The following KCNIP4 variants were observed in gnomAD, a reference collection of about 807,000 sequenced individuals.
The protein encoded by KCNIP4 is potassium voltage-gated channel interacting protein 4.
A neutral mutation model predicts 34.0 loss-of-function variants in KCNIP4; 12 were observed. That is an observed-to-expected ratio of 0.35 (90% confidence interval 0.23 to 0.57). The LOEUF is 0.57. Among genes scored for constraint, KCNIP4 ranks in the 20% least tolerant of loss-of-function variants. The pLI, the probability that KCNIP4 is intolerant of heterozygous loss-of-function variation, is 0.83. For synonymous variants in KCNIP4, 124 were observed against 102.2 expected, an observed-to-expected ratio of 1.21 and a Z score of -1.29; for missense variants, 238 against 311.7, an observed-to-expected ratio of 0.76 and a Z score of 1.78.
chr4:20,931,343 A>C (rs1730448140), intron 1 of KCNIP4, among the ~76,000 whole-genome samples: 1 of 152,140 alleles, frequency 6.6e-6, no homozygotes, highest in Admixed American at 6.5e-5. Context: ...AAATAGAGTC[A>C]TGTATCATTT....
rs62295278 is a variant in KCNIP4 at position 21,184,141 on chromosome 4, A to G, written c.62-301432T>C. Reference sequence around the variant, plus strand: ...TATCACTATGCAGGTGACCATGGCAAGTTACTTAATTTCCCTATGTTTCAA... The same window carrying G: ...TATCACTATGCAGGTGACCATGGCAGGTTACTTAATTTCCCTATGTTTCAA... On this transcript the variant is annotated intron_variant, in intron 1 of 8. Transcript: ENST00000382152. Among the ~76,000 whole-genome samples, 1,117 of 152,258 alleles carry G rather than the reference A, an allele frequency of 7.3e-3. 10 individuals carry two copies. The highest frequency in any genetic ancestry group is 0.012 in the Non-Finnish European group (827 of 68,008).
intron 1 of KCNIP4, among the ~76,000 whole-genome samples, chr4:21,344,599 AG>A (rs536704289): frequency 2.0e-5 from 3 of 152,178 alleles, no homozygotes; most frequent in African/African-American, 4.8e-5. Context: ...GTATGATGCA[AG>A]AAAAAGAAAA....
chr4:21,349,793 T>A (rs1362958417), intron 1 of KCNIP4, among the ~76,000 whole-genome samples: 1 of 152,138 alleles, frequency 6.6e-6, no homozygotes, highest in Non-Finnish European at 1.5e-5. Flanking sequence ...GTAGCTAATA[T>A]CACAGGAAAT....
At chr4:21,544,380 A>G (rs1737965876) in intron 1 of KCNIP4, 1 of 152,158 alleles carries the variant, frequency 6.6e-6, no homozygotes, top group African/African-American at 2.4e-5. Flanking sequence ...GTATCTATTT[A>G]TTATCTCACA....
intron 1 of KCNIP4, among the ~76,000 whole-genome samples, chr4:21,071,722 C>T (rs1439123483): frequency 6.6e-6 from 1 of 151,888 alleles, no homozygotes; most frequent in East Asian, 1.9e-4. Flanking sequence ...ATACATGTGC[C>T]ATGTTGGTGT....
At chr4:20,847,507 G>A (rs964901920) in intron 3 of KCNIP4, among the ~76,000 whole-genome samples, 2 of 152,142 alleles carry the variant, frequency 1.3e-5, no homozygotes, top group African/African-American at 4.8e-5. Context: ...CTCCTTATAG[G>A]TGGACAGTGT....
intron 4 of KCNIP4, among the ~76,000 whole-genome samples, chr4:20,756,735 C>A (rs1462484029): frequency 6.6e-6 from 1 of 152,038 alleles, no homozygotes; most frequent in African/African-American, 2.4e-5. Context: ...CCCAAAGAGA[C>A]CTTCTGATCC....
intron 1 of KCNIP4, among the ~76,000 whole-genome samples, chr4:21,020,870 G>T (rs1171291879): frequency 1.3e-5 from 2 of 152,142 alleles, no homozygotes; most frequent in Non-Finnish European, 2.9e-5. Context: ...TTCCCAAATT[G>T]CCTTCCTGAG....
chr4:20,754,699 A>G (rs1754208165), intron 4 of KCNIP4, among the ~76,000 whole-genome samples: 1 of 152,218 alleles, frequency 6.6e-6, no homozygotes, highest in South Asian at 2.1e-4. Context: ...ATTTTTTCTC[A>G]AATCCCTAAT....
chr4:21,562,014 A>T (rs1005325237), intron 1 of KCNIP4, among the ~76,000 whole-genome samples: 12 of 151,888 alleles, frequency 7.9e-5, no homozygotes, highest in Admixed American at 2.0e-4. Flanking sequence ...GAATTCTGGG[A>T]CTTTTCCTGA....
intron 1 of KCNIP4, among the ~76,000 whole-genome samples, chr4:21,418,203 G>A (rs923514340): frequency 1.1e-4 from 16 of 152,192 alleles, no homozygotes; most frequent in South Asian, 6.2e-4. Context: ...AGGGACATAA[G>A]ACTTCTGGAT....
intron 1 of KCNIP4, among the ~76,000 whole-genome samples, chr4:21,250,759 G>A (rs952984213): frequency 1.3e-5 from 2 of 151,902 alleles, no homozygotes; most frequent in Non-Finnish European, 2.9e-5. Flanking sequence ...TACCCTAGGA[G>A]ATCTGACCCA....
intron 1 of KCNIP4, among the ~76,000 whole-genome samples, chr4:21,225,593 C>T (rs552766133): frequency 1.7e-3 from 255 of 151,918 alleles, no homozygotes; most frequent in African/African-American, 5.9e-3. Context: ...TGAATGAGTC[C>T]CTTTATTCCT....
At chr4:21,410,401 G>T (rs551907222) in intron 1 of KCNIP4, among the ~76,000 whole-genome samples, 1 of 152,258 alleles carries the variant, frequency 6.6e-6, no homozygotes, top group South Asian at 2.1e-4. Flanking sequence ...TGACTTGCAA[G>T]GTTATCAACG....
At chr4:21,684,337 C>T (rs887032086) in intron 1 of KCNIP4, among the ~76,000 whole-genome samples, 11 of 152,020 alleles carry the variant, frequency 7.2e-5, no homozygotes, top group Non-Finnish European at 1.5e-4. Flanking sequence ...ATTGATATAC[C>T]TACTGAAATT....
chr4:21,185,147 A>G (rs948802043), intron 1 of KCNIP4, among the ~76,000 whole-genome samples: 4 of 152,188 alleles, frequency 2.6e-5, no homozygotes, highest in Non-Finnish European at 5.9e-5. Context: ...AATGTTTCAT[A>G]CTATCTAATA....
At chr4:21,561,903 C>T (rs1163025766) in intron 1 of KCNIP4, among the ~76,000 whole-genome samples, 1 of 151,894 alleles carries the variant, frequency 6.6e-6, no homozygotes, top group African/African-American at 2.4e-5. Flanking sequence ...ACCCTGTGCC[C>T]TGGCTCAAAA....
intron 1 of KCNIP4, among the ~76,000 whole-genome samples, chr4:20,983,453 G>A (rs1736282565): frequency 6.6e-6 from 1 of 152,142 alleles, no homozygotes; most frequent in Non-Finnish European, 1.5e-5. Flanking sequence ...TTCATAGGAT[G>A]AAATCACTAA....
intron 3 of KCNIP4, among the ~76,000 whole-genome samples, chr4:20,792,408 C>A (rs1432667890): frequency 6.6e-6 from 1 of 151,674 alleles, no homozygotes; most frequent in Admixed American, 6.6e-5. Context: ...ACAACAACAA[C>A]AAAAACAAAT....
Sources: gnomAD v4.1 joint callset for allele counts (sites outside exome capture counted in the v4.1 genomes callset) on GRCh38, gnomAD v4.1.1 for gene constraint, MANE v1.5 for transcripts, NCBI Gene and HGNC (gene_info 2026-07-23, HGNC 2026-07-21) for gene names.